NEDD4L: variants seen among roughly 807,000 people sequenced by gnomAD.
NEDD4L encodes the protein E3 ubiquitin-protein ligase NEDD4-like.
Under a neutral mutation model 148.9 loss-of-function variants are expected in NEDD4L, and 54 were observed. The ratio of observed to expected loss-of-function variants is 0.36; its 90% CI spans 0.29 to 0.45. The LOEUF (loss-of-function observed/expected upper bound fraction) is 0.45. Among genes scored for constraint, NEDD4L ranks in the 20% least tolerant of loss-of-function variants. The pLI is 1.00. For missense variants in NEDD4L, 856 were observed against 1,233.8 expected, an observed-to-expected ratio of 0.69 and a Z score of 4.59; for synonymous variants, 433 against 440.7, an observed-to-expected ratio of 0.98 and a Z score of 0.22.
intron 1 of NEDD4L, among the ~76,000 whole-genome samples, chr18:58,102,585 A>G (rs868602561): frequency 2.0e-5 from 3 of 152,220 alleles, no homozygotes; most frequent in Non-Finnish European, 4.4e-5. Flanking sequence ...CTGCAGATTC[A>G]ACCAACTGCA....
chr18:58,126,595 C>CT (rs1457966749), intron 1 of NEDD4L, among the ~76,000 whole-genome samples: 2 of 152,168 alleles, frequency 1.3e-5, no homozygotes, highest in African/African-American at 4.8e-5. Context: ...GCCATGAACA[C>CT]TTGTGTGCAG....
chr18:58,127,264 C>G (rs541006008), intron 1 of NEDD4L, among the ~76,000 whole-genome samples: 1 of 152,222 alleles, frequency 6.6e-6, no homozygotes, highest in Non-Finnish European at 1.5e-5. Flanking sequence ...TAGACACATG[C>G]GGCTAGTGGC....
rs2042352261 is a variant in NEDD4L, at chr18:58,341,020, G to A, written c.1126-18G>A. 1 of 1,600,378 alleles carries A rather than the reference G, an allele frequency of 6.2e-7. No homozygotes were observed. Among genetic ancestry groups the A allele is most frequent in the Non-Finnish European group, 8.5e-7 (1 of 1,173,740 alleles). On this transcript the variant is annotated intron_variant, in intron 13 of 30. Transcript: ENST00000400345. ...CAAATGCAAGGTATTAAATAATAAT[G>A]ATTTCTTGCACAAACAGCCATCAGT...
chr18:58,255,004 C>T (rs1001057028), intron 5 of NEDD4L, among the ~76,000 whole-genome samples: 11 of 152,094 alleles, frequency 7.2e-5, no homozygotes, highest in Non-Finnish European at 1.5e-4. Context: ...ACATGGTATC[C>T]GATGCTTGGG....
chr18:58,366,269 A>C lies in NEDD4L; in HGVS notation c.2063+41A>C. ...CACCCAGTGTGTGTCCCCCACTGAGACAGTTGTATGAATTTAAACAGAATG... is the reference window on the plus strand; with the variant it reads ...CACCCAGTGTGTGTCCCCCACTGAGCCAGTTGTATGAATTTAAACAGAATG... On this transcript the variant is annotated intron_variant, in intron 21 of 30. Transcript: ENST00000400345. The surrounding 1 kb of genome is among the most constrained non-coding windows in gnomAD (Gnocchi z 4.2). The C allele has an allele frequency of 7.4e-7, 1 of 1,353,424 alleles. No homozygotes were observed. The highest frequency in any genetic ancestry group is 1.0e-6 in the Non-Finnish European group (1 of 986,342). The allele number at this position is 1,353,424 out of a possible 1,614,324, so 83.8% of individuals were successfully genotyped here.
intron 2 of NEDD4L, among the ~76,000 whole-genome samples, chr18:58,171,985 G>C (rs2037563795): frequency 6.6e-6 from 1 of 152,154 alleles, no homozygotes; most frequent in African/African-American, 2.4e-5. Flanking sequence ...CCGTACAGAA[G>C]GAGCACACTC....
chr18:58,308,299 G>A (rs2057293602), intron 5 of NEDD4L, among the ~76,000 whole-genome samples: 2 of 152,300 alleles, frequency 1.3e-5, no homozygotes, highest in Admixed American at 6.5e-5. Context: ...GACAGTGAAG[G>A]AACAATTAAT....
chr18:58,328,348 G>T (rs912187067), intron 9 of NEDD4L, among the ~76,000 whole-genome samples: 3 of 152,162 alleles, frequency 2.0e-5, no homozygotes, highest in African/African-American at 7.2e-5. Context: ...ATGATGTTTT[G>T]GTGTTCTTCA....
chr18:58,047,262 C>G (rs2081627436), intron 1 of NEDD4L: 2 of 984,772 alleles, frequency 2.0e-6, no homozygotes, highest in African/African-American at 1.7e-5. Context: ...CCTCATAAAT[C>G]TTTTAGCAAA....
intron 1 of NEDD4L, among the ~76,000 whole-genome samples, chr18:58,080,945 G>T (rs531772063): frequency 1.5e-4 from 23 of 152,040 alleles, no homozygotes; most frequent in African/African-American, 5.6e-4. Flanking sequence ...GTAGAGGGCT[G>T]GGGGGTATGA....
At chr18:58,386,036 CTTGATTGATTGATTGATTGA>C (rs74183251) in intron 26 of NEDD4L, among the ~76,000 whole-genome samples, 1 of 150,388 alleles carries the variant, frequency 6.6e-6, no homozygotes, top group Admixed American at 6.6e-5. Context: ...GCTGCCTGGG[CTTGATTGATTGATTGATTGA>C]TTGATTGATT....
At chr18:58,321,124 C>A (rs1326462127) in intron 6 of NEDD4L, among the ~76,000 whole-genome samples, 2 of 152,196 alleles carry the variant, frequency 1.3e-5, no homozygotes, top group Non-Finnish European at 2.9e-5. Context: ...TGAGCAAATT[C>A]AAGTCTCTGT....
intron 5 of NEDD4L, among the ~76,000 whole-genome samples, chr18:58,268,450 C>A (rs141047609): frequency 6.6e-6 from 1 of 152,048 alleles, no homozygotes; most frequent in African/African-American, 2.4e-5. Flanking sequence ...AATCTCCCCC[C>A]ACAGACCTGC....
At chr18:58,162,770 A>G (rs990897988) in intron 1 of NEDD4L, among the ~76,000 whole-genome samples, 6 of 152,018 alleles carry the variant, frequency 3.9e-5, no homozygotes, top group Admixed American at 3.9e-4. Context: ...TTTTTTAGAA[A>G]TGGGGTGTTG....
chr18:58,361,446 C>CGT (rs1426832720), intron 19 of NEDD4L, among the ~76,000 whole-genome samples: 3 of 152,160 alleles, frequency 2.0e-5, no homozygotes, highest in African/African-American at 7.2e-5. Context: ...TTCATTTTTC[C>CGT]AAGAACTTTA....
chr18:58,147,379 A>G (rs945819577), intron 1 of NEDD4L, among the ~76,000 whole-genome samples: 3 of 151,362 alleles, frequency 2.0e-5, no homozygotes, highest in Non-Finnish European at 4.4e-5. Flanking sequence ...ATTAAAAAAA[A>G]CTCTCCACGT....
intron 1 of NEDD4L, among the ~76,000 whole-genome samples, chr18:58,115,010 T>C (rs1413555973): frequency 1.3e-5 from 2 of 152,194 alleles, no homozygotes; most frequent in Admixed American, 1.3e-4. Flanking sequence ...TAATTCCATC[T>C]GCAGCCTTAA....
intron 1 of NEDD4L, among the ~76,000 whole-genome samples, chr18:58,053,892 C>A (rs1046030945): frequency 2.0e-5 from 3 of 152,176 alleles, no homozygotes; most frequent in African/African-American, 7.2e-5. Context: ...CCAATCATTT[C>A]TTTTACCTGA....
At chr18:58,323,178 G>A (rs1399650205) in intron 7 of NEDD4L, 54 bp from the exon 8 acceptor site, 4 of 1,040,818 alleles carry the variant, frequency 3.8e-6, no homozygotes, top group South Asian at 1.4e-5. Flanking sequence ...ACGATTTTAA[G>A]TGTCCTTTGA....
Sources: allele counts gnomAD v4.1 joint callset (sites outside exome capture counted in the v4.1 genomes callset), GRCh38; gene constraint gnomAD v4.1.1; non-coding constraint Gnocchi (gnomAD v3.1); transcripts MANE v1.5; gene names NCBI Gene and HGNC (gene_info 2026-07-23, HGNC 2026-07-21).